ANKRD6: variants seen among roughly 807,000 people sequenced by gnomAD.
ANKRD6 encodes the protein ankyrin repeat domain 6, also known as ankyrin repeat domain-containing protein 6.
A neutral mutation model predicts 82.3 loss-of-function variants in ANKRD6; 56 were observed. The observed-to-expected ratio is 0.68, with a 90% CI of 0.55 to 0.85. The LOEUF (loss-of-function observed/expected upper bound fraction) is 0.85. Ranked by LOEUF, ANKRD6 falls within the 40% of genes least tolerant of loss-of-function variation. The pLI is 0.00. For synonymous variants in ANKRD6, 347 were observed against 352.1 expected (o/e 0.99, Z 0.16); for missense variants, 852 against 907.6 (o/e 0.94, Z 0.79).
intron 2 of ANKRD6, among the ~76,000 whole-genome samples, chr6:89,573,518 T>C (rs7754145): frequency 0.26 from 39,228 of 152,030 alleles, 5,239 homozygotes; most frequent in South Asian, 0.47. Context: ...TGCACAGTCA[T>C]CTTGAGAAGT....
intron 1 of ANKRD6, among the ~76,000 whole-genome samples, chr6:89,446,920 A>C (rs1772159416): frequency 6.6e-6 from 1 of 152,014 alleles, no homozygotes; most frequent in South Asian, 2.1e-4. Context: ...GTGAAGAAGG[A>C]GGTGTTTGCT....
At chr6:89,591,989 C>T (rs1415743650) in intron 2 of ANKRD6, among the ~76,000 whole-genome samples, 1 of 152,122 alleles carries the variant, frequency 6.6e-6, no homozygotes, top group Non-Finnish European at 1.5e-5. Context: ...TGTGCGAGGC[C>T]AGGAGCATTG....
intron 1 of ANKRD6, among the ~76,000 whole-genome samples, chr6:89,533,727 A>AGAGTGT (rs1783473398): frequency 7.0e-6 from 1 of 142,038 alleles, no homozygotes; most frequent in African/African-American, 2.7e-5. Context: ...AGAGAAAATG[A>AGAGTGT]GTGTGTGTGT....
chr6:89,558,726 G>C (rs1462837962), intron 1 of ANKRD6, among the ~76,000 whole-genome samples: 1 of 138,540 alleles, frequency 7.2e-6, no homozygotes, highest in Non-Finnish European at 1.5e-5. Context: ...ACAGACTCTA[G>C]TTAATAATAC....
At chr6:89,578,737 G>A (rs1382388814) in intron 2 of ANKRD6, among the ~76,000 whole-genome samples, 1 of 152,152 alleles carries the variant, frequency 6.6e-6, no homozygotes. Flanking sequence ...ATACTATCTG[G>A]TTGAAATCCT....
intron 1 of ANKRD6, among the ~76,000 whole-genome samples, chr6:89,545,608 T>A (rs960603499): frequency 8.5e-5 from 13 of 152,126 alleles, no homozygotes; most frequent in African/African-American, 2.9e-4. Flanking sequence ...ACGGGTACAG[T>A]CACAGGAATC....
intron 1 of ANKRD6, among the ~76,000 whole-genome samples, chr6:89,498,024 C>T (rs1351401106): frequency 6.6e-6 from 1 of 152,128 alleles, no homozygotes; most frequent in Non-Finnish European, 1.5e-5. Context: ...TTTTGAGGTT[C>T]ATCCACGAAG....
At chr6:89,434,854 G>T (rs148353236) in intron 1 of ANKRD6, among the ~76,000 whole-genome samples, 35 of 152,246 alleles carry the variant, frequency 2.3e-4, no homozygotes, top group African/African-American at 8.2e-4. Flanking sequence ...TAAAATTGGG[G>T]AGTATTTTCT....
rs115083331 is a variant in ANKRD6 at position 89,553,008 on chromosome 6, C to T, written c.-143-13826C>T. Among the ~76,000 whole-genome samples the T allele has an allele frequency of 7.7e-3, 1,174 of 152,284 alleles. 23 individuals carry two copies. The highest frequency in any genetic ancestry group is 0.025 in the African/African-American group (1,052 of 41,534). ...TTCCAGACCATGATGTCACCTCTCA[C>T]AGGTGGTAGACATTATCAGCGGAAA... On this transcript the variant is annotated intron_variant, in intron 1 of 15. Coordinates refer to ENST00000339746, the MANE Select transcript of ANKRD6 (RefSeq NM_001242809.2).
At chr6:89,574,552 T>C (rs1230443851) in intron 2 of ANKRD6, among the ~76,000 whole-genome samples, 1 of 152,250 alleles carries the variant, frequency 6.6e-6, no homozygotes, top group Non-Finnish European at 1.5e-5. Flanking sequence ...ACATCCCATC[T>C]GTGCCGAATG....
At chr6:89,573,876 C>T (rs1790503659) in intron 2 of ANKRD6, among the ~76,000 whole-genome samples, 1 of 152,146 alleles carries the variant, frequency 6.6e-6, no homozygotes, top group South Asian at 2.1e-4. Flanking sequence ...ATTCAGGACT[C>T]AGCTCAGGAG....
chr6:89,451,493 A>T (rs1451103661), intron 1 of ANKRD6, among the ~76,000 whole-genome samples: 1 of 152,164 alleles, frequency 6.6e-6, no homozygotes, highest in Admixed American at 6.5e-5. Flanking sequence ...GACAGGTCTA[A>T]TTTCTCTCTA....
chr6:89,469,259 A>G (rs543281627), intron 1 of ANKRD6, among the ~76,000 whole-genome samples: 1 of 152,158 alleles, frequency 6.6e-6, no homozygotes, highest in South Asian at 2.1e-4. Context: ...GATGCCTTTC[A>G]TATCACTCTT....
chr6:89,549,917 AAAAAGAAAAG>A (rs1468318204), intron 1 of ANKRD6, among the ~76,000 whole-genome samples: 8 of 140,142 alleles, frequency 5.7e-5, no homozygotes, highest in African/African-American at 9.9e-5. Flanking sequence ...TCTCTTTAAA[AAAAAGAAAAG>A]AAAAAAAAAG....
rs1770437914 is a variant in ANKRD6, at chr6:89,434,958, G to A, written c.-144+1583G>A. Among the ~76,000 whole-genome samples, 4 of 152,116 alleles carry A rather than the reference G, an allele frequency of 2.6e-5. No individual in the cohort carries two copies. The South Asian group carries it at 8.3e-4, about 32-fold the overall frequency. On this transcript the variant is annotated intron_variant, in intron 1 of 15. Coordinates refer to ENST00000339746, the MANE Select transcript of ANKRD6 (RefSeq NM_001242809.2). ...AAACAACTAGTCGCAGTGTTGGGAG[G>A]TATAAACCAATGGTAATTTTTAAAA... is the stretch of plus-strand genomic sequence containing the variant.
chr6:89,561,706 A>G (rs944055627), intron 1 of ANKRD6, among the ~76,000 whole-genome samples: 17 of 152,106 alleles, frequency 1.1e-4, no homozygotes, highest in Non-Finnish European at 2.1e-4. Flanking sequence ...CTTGTCCCCC[A>G]GTGGTGATCA....
chr6:89,616,093 C>T lies in ANKRD6; in HGVS notation c.616-466C>T, dbSNP rs887895710. On this transcript the variant is annotated intron_variant, in intron 7 of 15. Transcript: ENST00000339746. ...GCTGCAGGCTGGCCTGTCACCTCTC[C>T]GGTGCTTGCAGAAGTAGCCATCTTC... 4.6e-5 allele frequency among the ~76,000 whole-genome samples: 7 copies of T among 152,200 alleles called. No homozygotes were observed. In the South Asian group the frequency reaches 8.3e-4, roughly 18 times the overall value.
chr6:89,568,898 C>A (rs1278308474), intron 2 of ANKRD6, among the ~76,000 whole-genome samples: 1 of 150,632 alleles, frequency 6.6e-6, no homozygotes, highest in African/African-American at 2.4e-5. Flanking sequence ...TAGAACATTT[C>A]TATTGTCACA....
Position 89,616,561 on chromosome 6 carries a change from T to C in ANKRD6, c.618T>C (p.Ala206=). 1 of 1,614,024 alleles carries C rather than the reference T, an allele frequency of 6.2e-7. No individual in the cohort carries two copies. Residue 206 remains alanine (A), a splice_region_variant and synonymous_variant, in exon 8 of 16, where the codon GCT becomes GCC. Coordinates refer to ENST00000339746, the MANE Select transcript of ANKRD6 (RefSeq NM_001242809.2). ...GCAGACCTTCTAATCAATTCCAGGC[T>C]GGAGACACAGCACTTCACGTTGCTG... The part of the protein sequence containing the change: ...AFCSVHEKNQ[A]GDTALHVAAA...
Sources: gnomAD v4.1 joint callset for allele counts (sites outside exome capture counted in the v4.1 genomes callset) on GRCh38, gnomAD v4.1.1 for gene constraint, MANE v1.5 for transcripts, NCBI Gene and HGNC (gene_info 2026-07-23, HGNC 2026-07-21) for gene names.